Variants in TTN observed in about 807,000 individuals in gnomAD.
The protein encoded by TTN is titin, also known as connectin.
A neutral mutation model predicts 3,223.0 loss-of-function variants in TTN; 1,525 were observed. The observed-to-expected ratio is 0.47, with a 90% CI of 0.45 to 0.49. TTN has a LOEUF of 0.49. Ranked by LOEUF, TTN falls within the 20% of genes least tolerant of loss-of-function variation. The pLI is 0.00. For synonymous variants in TTN, 14,094 were observed against 15,161.0 expected (o/e 0.93, Z 5.17); for missense variants, 40,786 against 43,424.0 (o/e 0.94, Z 5.40).
At position 178,526,950 on chromosome 2, in the gene TTN, G is replaced by T; in HGVS notation, c.*62C>A. The stretch of plus-strand genomic sequence containing the variant: ...AAATATTTACAGTTCAGAAAGATTA[G>T]TCCGTGTGAAACGTTTGCGAAAAGT... On this transcript the variant is annotated 3_prime_UTR_variant, in exon 363 of 363. Transcript: ENST00000589042. The T allele has an allele frequency of 7.1e-7, 1 of 1,400,002 alleles. No homozygotes were observed. Among genetic ancestry groups the T allele is most frequent in the Non-Finnish European group, 9.5e-7 (1 of 1,049,046 alleles). 86.7% of individuals were successfully genotyped at this position (1,400,002 alleles called of 1,614,324 possible). A position where few individuals can be genotyped will look rare whatever the true frequency, so the allele number is the denominator to read the frequency against.
At chr2:178,783,834 A>T in intron 16 of TTN, 49 bp from the exon 17 acceptor site, 1 of 1,497,748 alleles carries the variant, frequency 6.7e-7, no homozygotes, top group Non-Finnish European at 9.3e-7. Context: ...ATTAAGGGAA[A>T]TCTCATAAAC....
intron 135 of TTN, among the ~76,000 whole-genome samples, chr2:178,682,089 TA>T (rs950644367): frequency 1.3e-5 from 2 of 152,046 alleles, no homozygotes; most frequent in African/African-American, 4.8e-5. Context: ...ATAAGTGAAA[TA>T]AGATTGATTC....
Position 178,566,899 on chromosome 2 carries a change from A to G in TTN, c.79233T>C (p.Asp26411=). The G allele has an allele frequency of 6.2e-7, 1 of 1,613,522 alleles. No homozygotes were observed. Among genetic ancestry groups the G allele is most frequent in the Non-Finnish European group, 8.5e-7 (1 of 1,179,654 alleles). Residue 26411 remains aspartate, a synonymous_variant, in exon 326 of 363, where the codon GAT becomes GAC. Transcript: ENST00000589042. Reference sequence around the variant, plus strand: ...CAATAATCTCACTTCCACCATCACTATCTGGACGGTTCCAACAGACGGTCA... The same window carrying G: ...CAATAATCTCACTTCCACCATCACTGTCTGGACGGTTCCAACAGACGGTCA... ...DSMTVCWNRP[D]SDGGSEIIGY...
In TTN at chr2:178,580,385, A is replaced by G; in HGVS notation, c.66994T>C (p.Tyr22332His). 2 of 1,613,258 alleles carry G rather than the reference A, an allele frequency of 1.2e-6. No individual in the cohort carries two copies. The highest frequency in any genetic ancestry group is 1.7e-4 in the Middle Eastern group (1 of 6,050). The change falls in exon 317 of 363, where the codon TAT (tyrosine) becomes CAT (histidine). Residue 22332 changes from tyrosine to histidine, a missense_variant. Tyr to His is a moderately conservative substitution (Grantham distance 83). Coordinates refer to ENST00000589042, the MANE Select transcript of TTN (RefSeq NM_001267550.2). ...CAGCTGTTCTCCAGGGTTAAGATAT[A>G]TTTTCCTGCATCATATTTGTTCACA... The part of the protein sequence containing the change: ...ENVNKYDAGK[Y>H]ILTLENSCGK...
In TTN at chr2:178,741,290, A is replaced by G. The variant is rs1267656296; in HGVS notation, c.11943T>C (p.Ser3981=). The stretch of plus-strand genomic sequence containing the variant: ...GGTTATGAATGATAGTGTAATAAAC[A>G]CTGGTGCAAAGCTGCTTGTTTTCTT... ...WFKENKQLCT[S]VYYTIIHNPN... Residue 3981 remains serine, a synonymous_variant, in exon 48 of 363, where the codon AGT becomes AGC. Transcript: ENST00000589042. 9.9e-6 allele frequency: 16 copies of G among 1,613,810 alleles called. No individual in the cohort carries two copies. Among genetic ancestry groups the G allele is most frequent in the Non-Finnish European group, 9.3e-6 (11 of 1,179,850 alleles).
chr2:178,527,937 C>G (rs1375271776), intron 361 of TTN, 189 bp from the exon 362 acceptor site: 2 of 568,686 alleles, frequency 3.5e-6, no homozygotes, highest in African/African-American at 3.7e-5. Flanking sequence ...GTCTCCAAAA[C>G]ATGAATCCTT....
chr2:178,577,734 C>G lies in TTN; in HGVS notation c.68692G>C (p.Glu22898Gln), dbSNP rs1416793414. ...WMKANHVNVP[E>Q]CAFTVTDLVE... ...AGGTCAGTTACAGTAAAGGCACATT[C>G]TGGGACATTAACATGGTTGGCTTTC... The change falls in exon 323 of 363, where the codon GAA becomes CAA. Residue 22898 changes from glutamate to glutamine, a missense_variant. Physicochemically the swap from Glu to Gln is conservative, Grantham distance 29 (BLOSUM62 2). Coordinates refer to ENST00000589042, the MANE Select transcript of TTN (RefSeq NM_001267550.2). The G allele has an allele frequency of 6.2e-7, 1 of 1,613,306 alleles. No homozygotes were observed. Among genetic ancestry groups the G allele is most frequent in the Admixed American group, 1.7e-5 (1 of 59,984 alleles).
chr2:178,552,155 G>A lies in TTN; in HGVS notation c.90745C>T (p.Pro30249Ser). 1 of 1,613,632 alleles carries A rather than the reference G, an allele frequency of 6.2e-7. No homozygotes were observed. The highest frequency in any genetic ancestry group is 1.1e-5 in the South Asian group (1 of 91,048). Reference sequence around the variant, plus strand: ...ATTTCTCCTCCTCCATTATCTTCAGGTACATCCCATGACAGGATGACACTA... The same window carrying A: ...ATTTCTCCTCCTCCATTATCTTCAGATACATCCCATGACAGGATGACACTA... ...ADSVILSWDVPEDNGGGEITC... is the reference protein window; with the variant it reads ...ADSVILSWDVSEDNGGGEITC... Residue 30249 changes from proline to serine, a missense_variant, in exon 335 of 363, where the codon CCT (proline) becomes TCT (serine). By Grantham distance (74) the Pro-to-Ser change is moderately conservative (BLOSUM62 -1). Transcript: ENST00000589042.
intron 218 of TTN, among the ~76,000 whole-genome samples, chr2:178,642,695 G>C (rs1382840349): frequency 6.6e-6 from 1 of 151,864 alleles, no homozygotes; most frequent in Non-Finnish European, 1.5e-5. Flanking sequence ...ACCACTAAAT[G>C]TATGAAAATG....
At position 178,539,867 on chromosome 2, in the gene TTN, A is replaced by G; in HGVS notation, c.98198T>C (p.Phe32733Ser). The change falls in exon 352 of 363, where the codon TTC becomes TCC. Residue 32733 changes from phenylalanine (F) to serine (S), a missense_variant. Phe to Ser is a radical substitution (Grantham distance 155, BLOSUM62 -2). Transcript: ENST00000589042. ...TTCCTTGGTCCATTTACATATTGGGAATGGTTTTCCTTTGATTGGTATGGT... is the reference window on the plus strand; with the variant it reads ...TTCCTTGGTCCATTTACATATTGGGGATGGTTTTCCTTTGATTGGTATGGT... ...RLTIPIKGKP[F>S]PICKWTKEGQ... The G allele has an allele frequency of 1.2e-6, 2 of 1,613,770 alleles. No individual in the cohort carries two copies. Among genetic ancestry groups the G allele is most frequent in the Non-Finnish European group, 1.7e-6 (2 of 1,179,766 alleles).
chr2:178,532,884 CT>C lies in TTN; in HGVS notation c.103730del (p.Gln34577ArgfsTer29). ...DMKWYKKIRD[Q>X]YEMPGKLDRV... ...TGTCAAGTTTCCCAGGCATTTCATACTGATCACGTATCTTTTTATACCACTT... is the reference window on the plus strand; with the variant it reads ...TGTCAAGTTTCCCAGGCATTTCATACGATCACGTATCTTTTTATACCACTT... On this transcript the variant is annotated frameshift_variant, in exon 358 of 363. Coordinates refer to ENST00000589042, the MANE Select transcript of TTN (RefSeq NM_001267550.2). LOFTEE classifies it high-confidence loss of function. 6.2e-7 allele frequency: 1 copy of C among 1,613,974 alleles called. No homozygotes were observed. Among genetic ancestry groups the C allele is most frequent in the Non-Finnish European group, 8.5e-7 (1 of 1,179,874 alleles).
intron 218 of TTN, among the ~76,000 whole-genome samples, chr2:178,643,378 T>C (rs1452721149): frequency 6.6e-6 from 1 of 151,956 alleles, no homozygotes; most frequent in Admixed American, 6.6e-5. Context: ...TAATGTCAAA[T>C]ATTTTAAGTA....
chr2:178,593,828 T>A lies in TTN; in HGVS notation c.58472A>T (p.Glu19491Val), dbSNP rs2050771375. 6.2e-7 allele frequency: 1 copy of A among 1,612,826 alleles called. No individual in the cohort carries two copies. The change falls in exon 298 of 363, where the codon GAG (glutamate) becomes GTG (valine). Residue 19491 changes from glutamate to valine, a missense_variant. Coordinates refer to ENST00000589042, the MANE Select transcript of TTN (RefSeq NM_001267550.2). ...GPPVGPVSFD[E>V]VTKDYMVISW... ...GATAACCATGTAATCTTTGGTCACC[T>A]CATCAAAACTAACTGGTCCTACTGG...
Position 178,559,826 on chromosome 2 carries a change from C to T in TTN, c.86306G>A (p.Gly28769Asp), listed in dbSNP as rs756222422. The T allele has an allele frequency of 6.2e-7, 1 of 1,610,512 alleles. No individual in the cohort carries two copies. Among genetic ancestry groups the T allele is most frequent in the Non-Finnish European group, 8.5e-7 (1 of 1,179,556 alleles). ...EMRKTLIVKAGASFTMTVPFR... is the reference protein window; with the variant it reads ...EMRKTLIVKADASFTMTVPFR... ...AGGCACAGTCATGGTAAATGAGGCA[C>T]CAGCCTTGACAATCAAGGTCTTCCT... Residue 28769 changes from glycine (G) to aspartate (D), a missense_variant, in exon 326 of 363, where the codon GGT becomes GAT. Gly to Asp is a moderately conservative substitution (Grantham distance 94, BLOSUM62 -1). Transcript: ENST00000589042.
At chr2:178,687,512 G>A (rs1347195968) in intron 127 of TTN, among the ~76,000 whole-genome samples, 1 of 152,044 alleles carries the variant, frequency 6.6e-6, no homozygotes, top group South Asian at 2.1e-4. Flanking sequence ...AGCCTTATGT[G>A]TTCAGGGCTT....
intron 224 of TTN, among the ~76,000 whole-genome samples, 182 bp downstream of exon 224, chr2:178,637,187 A>ATATATATCTATC (rs1553749552): frequency 8.0e-6 from 1 of 125,300 alleles, no homozygotes; most frequent in African/African-American, 3.0e-5. Flanking sequence ...ATATATATAT[A>ATATATATCTATC]TATCTCCTTG....
chr2:178,600,588 A>G (rs754490754), intron 288 of TTN: 1 of 470,128 alleles, frequency 2.1e-6, no homozygotes, highest in Non-Finnish European at 3.9e-6. Flanking sequence ...TTAGCCTCTG[A>G]TAAATAAAAC....
At chr2:178,705,111 G>C in intron 103 of TTN, 63 bp downstream of exon 103, 2 of 1,587,750 alleles carry the variant, frequency 1.3e-6, no homozygotes, top group Non-Finnish European at 1.7e-6. Context: ...TAATTCAAAG[G>C]GAATATGTGA....
In TTN at chr2:178,549,254, T is replaced by C; in HGVS notation, c.92372A>G (p.Tyr30791Cys). 1.2e-6 allele frequency: 2 copies of C among 1,613,948 alleles called. No individual in the cohort carries two copies. Among genetic ancestry groups the C allele is most frequent in the Non-Finnish European group, 1.7e-6 (2 of 1,179,858 alleles). Residue 30791 changes from tyrosine (Y) to cysteine (C), a missense_variant, in exon 339 of 363, where the codon TAT (tyrosine) becomes TGT (cysteine). Transcript: ENST00000589042. ...ATTTTCAGCCATGACATGGAATTCA[T>C]ACTCATTGCCTTCTGTCAGACCAGT... ...KVTGLTEGNE[Y>C]EFHVMAENAA...
Sources: allele counts gnomAD v4.1 joint callset (sites outside exome capture counted in the v4.1 genomes callset), GRCh38; gene constraint gnomAD v4.1.1; transcripts MANE v1.5; gene names NCBI Gene and HGNC (gene_info 2026-07-23, HGNC 2026-07-21).